Variants in C6 observed in about 807,000 individuals in gnomAD.
The protein encoded by C6 is complement component C6.
A neutral mutation model predicts 112.9 loss-of-function variants in C6; 101 were observed. The ratio of observed to expected loss-of-function variants is 0.89; its 90% CI spans 0.76 to 1.06. C6 has a LOEUF of 1.06. Ranked by LOEUF, C6 falls within the 50% of genes least tolerant of loss-of-function variation. The probability of loss-of-function intolerance (pLI) is 0.00; values close to 1 mark genes in which losing one functional copy is unlikely to be tolerated. For missense variants in C6, 1,202 were observed against 1,104.6 expected, an observed-to-expected ratio of 1.09 and a Z score of -1.25; for synonymous variants, 431 against 384.1, an observed-to-expected ratio of 1.12 and a Z score of -1.43.
Position 41,176,504 on chromosome 5 carries a change from T to A in C6, c.1139A>T (p.Gln380Leu). ...SLGGVYDLLY[Q>L]FSSEELKNSG... ...GTTCTTTAGTTCCTCACTGCTAAACTGATAGAGAAGGTCATACACGCCTCC... is the reference window on the plus strand; with the variant it reads ...GTTCTTTAGTTCCTCACTGCTAAACAGATAGAGAAGGTCATACACGCCTCC... Residue 380 changes from glutamine (Q) to leucine (L), a missense_variant, in exon 8 of 18, where the codon CAG becomes CTG. Physicochemically the swap from Gln to Leu is moderately radical, Grantham distance 113 (BLOSUM62 -2). Coordinates refer to ENST00000337836, the MANE Select transcript of C6 (RefSeq NM_000065.5). The A allele has an allele frequency of 6.2e-7, 1 of 1,613,732 alleles. No individual in the cohort carries two copies. The highest frequency in any genetic ancestry group is 8.5e-7 in the Non-Finnish European group (1 of 1,179,786).
At chr5:41,243,076 T>C (rs564327944) in intron 1 of C6, among the ~76,000 whole-genome samples, 2 of 152,254 alleles carry the variant, frequency 1.3e-5, no homozygotes, top group Admixed American at 1.3e-4. Context: ...TTGAGTTCTA[T>C]TGTACAGCTT....
chr5:41,205,241 G>A lies in C6; in HGVS notation c.-20-1991C>T, dbSNP rs949902487. ...TAGATTATTTCAGTCATAAAAATGAGGGGCTTTTGGGCATTATTCAAGATG... is the reference window on the plus strand; with the variant it reads ...TAGATTATTTCAGTCATAAAAATGAAGGGCTTTTGGGCATTATTCAAGATG... On this transcript the variant is annotated intron_variant, in intron 1 of 17. Coordinates refer to ENST00000337836, the MANE Select transcript of C6 (RefSeq NM_000065.5). Among the ~76,000 whole-genome samples, 4 of 152,188 alleles carry A rather than the reference G, an allele frequency of 2.6e-5. No homozygotes were observed. In the South Asian group the frequency reaches 8.3e-4, roughly 32 times the overall value.
chr5:41,254,572 G>A (rs1027966204), intron 1 of C6, among the ~76,000 whole-genome samples: 1 of 152,140 alleles, frequency 6.6e-6, no homozygotes, highest in African/African-American at 2.4e-5. Context: ...ACCAAGTGGA[G>A]AGTGAAGAGA....
intron 7 of C6, 75 bp from the exon 8 acceptor site, chr5:41,176,790 G>T: frequency 7.5e-7 from 1 of 1,329,776 alleles, no homozygotes; most frequent in Admixed American, 1.9e-5. Context: ...AAATGTCATT[G>T]ATTTATCATT....
chr5:41,209,260 T>C (rs1334846207), intron 1 of C6, among the ~76,000 whole-genome samples: 1 of 152,156 alleles, frequency 6.6e-6, no homozygotes, highest in Non-Finnish European at 1.5e-5. Flanking sequence ...CCACAGCCAG[T>C]ATCATACCGA....
chr5:41,230,151 T>G (rs1739798736), intron 1 of C6, among the ~76,000 whole-genome samples: 1 of 152,128 alleles, frequency 6.6e-6, no homozygotes. Context: ...GGACCACTAT[T>G]GTAAAAATTG....
intron 13 of C6, among the ~76,000 whole-genome samples, chr5:41,155,505 T>C (rs1746812776): frequency 1.3e-5 from 2 of 152,068 alleles, no homozygotes; most frequent in African/African-American, 4.8e-5. Flanking sequence ...TGGGGCAATA[T>C]GGCAAAACCC....
chr5:41,233,641 T>C (rs1740046079), intron 1 of C6, among the ~76,000 whole-genome samples: 1 of 152,056 alleles, frequency 6.6e-6, no homozygotes, highest in South Asian at 2.1e-4. Flanking sequence ...TTTGTAGATT[T>C]GTAATAAGCA....
At chr5:41,177,961 A>C (rs541005783) in intron 7 of C6, among the ~76,000 whole-genome samples, 8 of 152,108 alleles carry the variant, frequency 5.3e-5, no homozygotes, top group Non-Finnish European at 1.2e-4. Context: ...TAAGAAGCAC[A>C]CTCACTCCCT....
chr5:41,200,891 G>GTTTTGTTTTTTTTTTTTTTTTTTTTTT (rs1554029750), intron 3 of C6, among the ~76,000 whole-genome samples: 2 of 70,670 alleles, frequency 2.8e-5, no homozygotes, highest in Admixed American at 3.5e-4. Flanking sequence ...TGTTGTTGTT[G>GTTTTGTTTTTTTTTTTTTTTTTTTTTT]TTTTTTTTTT....
chr5:41,232,008 C>T (rs1052260871), intron 1 of C6, among the ~76,000 whole-genome samples: 1 of 151,652 alleles, frequency 6.6e-6, no homozygotes, highest in Non-Finnish European at 1.5e-5. Context: ...TTTTTTCTGT[C>T]TTCTTCAGGT....
chr5:41,153,999 C>T lies in C6; in HGVS notation c.2102-1G>A. 1 of 1,613,244 alleles carries T rather than the reference C, an allele frequency of 6.2e-7. No homozygotes were observed. The highest frequency in any genetic ancestry group is 2.2e-5 in the East Asian group (1 of 44,806). On this transcript the variant is annotated splice_acceptor_variant, in intron 14 of 17. Coordinates refer to ENST00000337836, the MANE Select transcript of C6 (RefSeq NM_000065.5). LOFTEE classifies it high-confidence loss of function. The stretch of plus-strand genomic sequence containing the variant: ...ACAACTGGCTTGATGCACTCCGTCC[C>T]TGCAAGAGAGCAACATTTCATATGT...
chr5:41,163,875 T>A (rs1202593856), intron 9 of C6, among the ~76,000 whole-genome samples: 2 of 152,168 alleles, frequency 1.3e-5, no homozygotes, highest in African/African-American at 4.8e-5. Flanking sequence ...GGGTTAGAAA[T>A]AGGCAAATCT....
At chr5:41,252,077 T>C (rs1217602924) in intron 1 of C6, among the ~76,000 whole-genome samples, 1 of 152,242 alleles carries the variant, frequency 6.6e-6, no homozygotes, top group Admixed American at 6.5e-5. Context: ...TAAGGTAATA[T>C]GCAAATTCAG....
At chr5:41,256,843 A>G (rs1401467994) in intron 1 of C6, among the ~76,000 whole-genome samples, 1 of 152,080 alleles carries the variant, frequency 6.6e-6, no homozygotes, top group South Asian at 2.1e-4. Context: ...TGGGTAAAGG[A>G]ACAATTGCCT....
chr5:41,203,693 T>G, intron 1 of C6: 1 of 182,416 alleles, frequency 5.5e-6, no homozygotes, highest in South Asian at 1.1e-4. Context: ...AAGCTCTTTT[T>G]CATTTCCTGA....
intron 1 of C6, among the ~76,000 whole-genome samples, chr5:41,256,670 A>C (rs1434561421): frequency 6.6e-6 from 1 of 152,136 alleles, no homozygotes; most frequent in Non-Finnish European, 1.5e-5. Context: ...TTATGTTACG[A>C]TATCCTGCCT....
At chr5:41,199,181 T>C (rs1750825627) in intron 4 of C6, among the ~76,000 whole-genome samples, 2 of 152,312 alleles carry the variant, frequency 1.3e-5, no homozygotes, top group African/African-American at 2.4e-5. Context: ...ATAAATACTT[T>C]ACTTTTCAGG....
At chr5:41,249,807 G>T (rs1336968433) in intron 1 of C6, among the ~76,000 whole-genome samples, 2 of 152,144 alleles carry the variant, frequency 1.3e-5, no homozygotes, top group South Asian at 4.2e-4. Flanking sequence ...GAGCAAATAG[G>T]CTCATTTCAG....
Sources: allele counts gnomAD v4.1 joint callset (sites outside exome capture counted in the v4.1 genomes callset), GRCh38; gene constraint gnomAD v4.1.1; transcripts MANE v1.5; gene names NCBI Gene and HGNC (gene_info 2026-07-23, HGNC 2026-07-21).